The following GLIS1 variants were observed in gnomAD, a reference collection of about 807,000 sequenced individuals.
The protein encoded by GLIS1 is GLIS family zinc finger 1, also known as zinc finger protein GLIS1.
GLIS1 carries 24 observed loss-of-function variants against 63.8 expected under a neutral mutation model. The observed-to-expected ratio is 0.38, with a 90% CI of 0.27 to 0.53. The LOEUF is 0.53. GLIS1 is among the 20% of genes least tolerant of loss of function. GLIS1 has a pLI of 0.85. For synonymous variants in GLIS1, 450 were observed against 482.5 expected, an observed-to-expected ratio of 0.93 and a Z score of 0.88; for missense variants, 1,036 against 1,074.1, an observed-to-expected ratio of 0.96 and a Z score of 0.50.
chr1:53,709,413 C>CATATATATAT (rs752636057), intron 2 of GLIS1, among the ~76,000 whole-genome samples: 4 of 124,772 alleles, frequency 3.2e-5, no homozygotes, highest in Admixed American at 8.0e-5. Flanking sequence ...TATATATATA[C>CATATATATAT]ACACACACAC....
At chr1:53,595,810 T>C (rs1278032235) in intron 3 of GLIS1, among the ~76,000 whole-genome samples, 15 of 152,310 alleles carry the variant, frequency 9.8e-5, no homozygotes, top group South Asian at 8.3e-4. Flanking sequence ...TTAATGTCAG[T>C]GCATGGGGGA....
chr1:53,509,404 G>A (rs1644274012), intron 9 of GLIS1, 117 bp from the exon 10 acceptor site: 4 of 1,132,754 alleles, frequency 3.5e-6, no homozygotes, highest in Non-Finnish European at 3.7e-6. Context: ...CATTGTGGGT[G>A]TGAGAGAGAG....
At chr1:53,520,270 C>G (rs1644393316) in intron 7 of GLIS1, among the ~76,000 whole-genome samples, 1 of 152,040 alleles carries the variant, frequency 6.6e-6, no homozygotes, top group African/African-American at 2.4e-5. Flanking sequence ...TCGGGGGGAG[C>G]AGGAGCAGAG....
rs148936422 is a variant in GLIS1, at chr1:53,569,377, G to A, written c.1320+24731C>T. 1.2e-3 allele frequency among the ~76,000 whole-genome samples: 188 copies of A among 152,264 alleles called. 1 individual carries two copies. The highest frequency in any genetic ancestry group is 4.4e-3 in the African/African-American group (184 of 41,552). On this transcript the variant is annotated intron_variant, in intron 4 of 10. Coordinates refer to ENST00000628545, the MANE Select transcript of GLIS1 (RefSeq NM_001367484.1). ...CTCTGGTGTGAGATGTTGATAGCAG[G>A]GGAGGCTGCGTGTGTGAGGGCAGGG...
At chr1:53,512,650 T>C (rs1644308482) in intron 8 of GLIS1, among the ~76,000 whole-genome samples, 1 of 152,128 alleles carries the variant, frequency 6.6e-6, no homozygotes, top group African/African-American at 2.4e-5. Flanking sequence ...GCTTCTCTCC[T>C]GCAGCTGGAC....
At chr1:53,581,531 A>T (rs372833825) in intron 4 of GLIS1, among the ~76,000 whole-genome samples, 14 of 152,196 alleles carry the variant, frequency 9.2e-5, no homozygotes, top group African/African-American at 3.4e-4. Context: ...AAACATCTAG[A>T]CTTTATGGAG....
chr1:53,733,793 T>A, intron 2 of GLIS1: 1 of 508,888 alleles, frequency 2.0e-6, no homozygotes, highest in African/African-American at 2.1e-5. Context: ...ACTGAAAAAA[T>A]TTGGATCTGA....
intron 2 of GLIS1, among the ~76,000 whole-genome samples, chr1:53,611,783 A>G (rs1645426775): frequency 6.6e-6 from 1 of 152,108 alleles, no homozygotes; most frequent in Non-Finnish European, 1.5e-5. Context: ...GTCTTCCTAG[A>G]ACTTGAAGCT....
At chr1:53,529,527 C>A (rs558531866) in intron 5 of GLIS1, among the ~76,000 whole-genome samples, 1 of 152,312 alleles carries the variant, frequency 6.6e-6, no homozygotes, top group East Asian at 1.9e-4. Context: ...CCTCCCCTCA[C>A]CCCCGGGGAC....
Position 53,683,390 on chromosome 1 carries a change from C to G in GLIS1, c.259+54416G>C, listed in dbSNP as rs568811685. Among the ~76,000 whole-genome samples, 6 of 152,244 alleles carry G rather than the reference C, an allele frequency of 3.9e-5. No homozygotes were observed. In the South Asian group the frequency reaches 1.2e-3, roughly 32 times the overall value. On this transcript the variant is annotated intron_variant, in intron 2 of 10. Coordinates refer to ENST00000628545, the MANE Select transcript of GLIS1 (RefSeq NM_001367484.1). ...CTCCTAACTTGTGGAGCACAATGAC[C>G]ATGAGCAGAGACTATGATGTCAAAG...
At chr1:53,515,079 A>ATGTG (rs5774151) in intron 7 of GLIS1, among the ~76,000 whole-genome samples, 3,985 of 142,044 alleles carry the variant, frequency 0.028, 206 homozygotes, top group African/African-American at 0.1. Flanking sequence ...GTGTGTGTAT[A>ATGTG]TGTGTGTGTG....
At chr1:53,688,899 C>T (rs1459754858) in intron 2 of GLIS1, 3 of 152,172 alleles carry the variant, frequency 2.0e-5, no homozygotes, top group Admixed American at 2.0e-4. Context: ...CTGGCAGAAT[C>T]CATGAAGGCC....
At chr1:53,674,781 G>C (rs1035942778) in intron 2 of GLIS1, among the ~76,000 whole-genome samples, 2 of 152,168 alleles carry the variant, frequency 1.3e-5, no homozygotes, top group African/African-American at 4.8e-5. Flanking sequence ...ATTCACATAA[G>C]GGATGCTAGG....
At chr1:53,688,849 A>G (rs971918841) in intron 2 of GLIS1, 2 of 152,232 alleles carry the variant, frequency 1.3e-5, no homozygotes, top group East Asian at 1.9e-4. Flanking sequence ...ATCTTGCCCA[A>G]TGGCAGCGAA....
Position 53,561,228 on chromosome 1 carries a change from C to T in GLIS1, c.1321-31276G>A, listed in dbSNP as rs189980477. ...AGGTTACACGGTAAGTGGGAGAGCT[C>T]CAGGATTCAGGGAAGCCAAGCAGCA... On this transcript the variant is annotated intron_variant, in intron 4 of 10. Transcript: ENST00000628545. 4.5e-3 allele frequency among the ~76,000 whole-genome samples: 682 copies of T among 152,194 alleles called. 3 individuals carry two copies. Among genetic ancestry groups the T allele is most frequent in the Non-Finnish European group, 7.0e-3 (476 of 68,002 alleles).
chr1:53,585,553 G>A (rs1393167247), intron 4 of GLIS1, among the ~76,000 whole-genome samples: 1 of 151,082 alleles, frequency 6.6e-6, no homozygotes, highest in Non-Finnish European at 1.5e-5. Context: ...GTGAAACAGG[G>A]CAGGGTGGGG....
chr1:53,710,947 GC>G (rs902852353), intron 2 of GLIS1, among the ~76,000 whole-genome samples: 2 of 151,680 alleles, frequency 1.3e-5, no homozygotes, highest in African/African-American at 4.8e-5. Flanking sequence ...GGGCTGACCA[GC>G]CCCTCCCCCA....
At chr1:53,642,980 C>T (rs1377488024) in intron 2 of GLIS1, among the ~76,000 whole-genome samples, 1 of 152,180 alleles carries the variant, frequency 6.6e-6, no homozygotes, top group East Asian at 1.9e-4. Context: ...GCTGAGGAAA[C>T]GTGTTCTATC....
chr1:53,620,403 C>T (rs893745276), intron 2 of GLIS1, among the ~76,000 whole-genome samples: 7 of 152,228 alleles, frequency 4.6e-5, no homozygotes, highest in Admixed American at 3.3e-4. Flanking sequence ...GCTCAGGGCA[C>T]AACTTCCCCA....
Sources: gnomAD v4.1 joint callset for allele counts (sites outside exome capture counted in the v4.1 genomes callset) on GRCh38, gnomAD v4.1.1 for gene constraint, MANE v1.5 for transcripts, NCBI Gene and HGNC (gene_info 2026-07-23, HGNC 2026-07-21) for gene names.